Variants in HHIPL1 observed in about 807,000 individuals in gnomAD.
HHIPL1 encodes the protein HHIP like 1, also known as HHIP-like protein 1.
A neutral mutation model predicts 61.8 loss-of-function variants in HHIPL1; 43 were observed. The ratio of observed to expected loss-of-function variants is 0.70; its 90% CI spans 0.55 to 0.90. The LOEUF (loss-of-function observed/expected upper bound fraction) is 0.90. Ranked by LOEUF, HHIPL1 falls within the 40% of genes least tolerant of loss-of-function variation. The probability of loss-of-function intolerance (pLI) is 0.00; values close to 1 mark genes in which losing one functional copy is unlikely to be tolerated. For missense variants in HHIPL1, 1,056 were observed against 1,157.7 expected (o/e 0.91, Z 1.28); for synonymous variants, 482 against 515.8 (o/e 0.93, Z 0.89).
chr14:99,632,233 A>G, the HHIPL1 span, among the ~76,000 whole-genome samples: 1 of 152,162 alleles, frequency 6.6e-6, no homozygotes, highest in African/African-American at 2.4e-5. Flanking sequence ...GAACTCTTGC[A>G]TTGGGGTAGA....
chr14:99,666,875 C>T (rs1448773417), intron 6 of HHIPL1, among the ~76,000 whole-genome samples: 6 of 152,190 alleles, frequency 3.9e-5, no homozygotes, highest in Admixed American at 6.5e-5. Context: ...GCGTACTGCT[C>T]TCCTCATCCC....
Position 99,652,234 on chromosome 14 carries a change from C to A in HHIPL1, c.266C>A (p.Pro89Gln). Residue 89 changes from proline to glutamine, a missense_variant, in exon 2 of 9, where the codon CCG becomes CAG. Pro to Gln is a moderately conservative substitution (Grantham distance 76, BLOSUM62 -1). Transcript: ENST00000330710. ...TTACTGTCTCTGCAGGAATGCTCGC[C>A]GTATGCAGCCCACCTCTATGACGCC... is the stretch of plus-strand genomic sequence containing the variant. ...ARDLLCQECSPYAAHLYDAED... is the reference protein window; with the variant it reads ...ARDLLCQECSQYAAHLYDAED... 6.3e-7 allele frequency: 1 copy of A among 1,599,974 alleles called. No homozygotes were observed. Among genetic ancestry groups the A allele is most frequent in the Non-Finnish European group, 8.5e-7 (1 of 1,171,454 alleles).
upstream of HHIPL1, among the ~76,000 whole-genome samples, chr14:99,644,905 G>C (rs768607057): frequency 5.0e-4 from 76 of 152,330 alleles, no homozygotes; most frequent in Non-Finnish European, 8.4e-4. Flanking sequence ...GCGCCCTGTG[G>C]GGAGGAAGCA....
chr14:99,608,180 C>T, the HHIPL1 span, among the ~76,000 whole-genome samples: 11 of 152,000 alleles, frequency 7.2e-5, no homozygotes, highest in Non-Finnish European at 1.5e-5. Context: ...AAGGGAACAG[C>T]AGGGTGGGGA....
At chr14:99,620,776 G>A in the HHIPL1 span, among the ~76,000 whole-genome samples, 81 of 152,354 alleles carry the variant, frequency 5.3e-4, no homozygotes, top group Admixed American at 1.8e-3. Context: ...CAGAACGTAG[G>A]GGGGCCAGGC....
chr14:99,607,596 G>A, the HHIPL1 span, among the ~76,000 whole-genome samples: 1 of 152,196 alleles, frequency 6.6e-6, no homozygotes, highest in Middle Eastern at 3.4e-3. Flanking sequence ...CAAAACCTAG[G>A]GCCTGTGGGG....
At chr14:99,664,974 G>A (rs1231296214) in intron 6 of HHIPL1, among the ~76,000 whole-genome samples, 2 of 151,282 alleles carry the variant, frequency 1.3e-5, no homozygotes, top group Non-Finnish European at 2.9e-5. Context: ...GAGTGAAGTG[G>A]TGCAATCTCG....
At chr14:99,659,848 C>CA in intron 4 of HHIPL1, 92 bp downstream of exon 4, 3 of 442,854 alleles carry the variant, frequency 6.8e-6, no homozygotes, top group East Asian at 5.9e-5. Context: ...GAGACCGCAC[C>CA]CCCCCCCCCC....
intron 2 of HHIPL1, among the ~76,000 whole-genome samples, chr14:99,653,418 C>T (rs888331052): frequency 2.0e-5 from 3 of 152,196 alleles, no homozygotes; most frequent in Admixed American, 1.3e-4. Flanking sequence ...CTGCAACCTC[C>T]GCCTCCCGGG....
chr14:99,647,804 C>A (rs2055866131), intron 1 of HHIPL1, among the ~76,000 whole-genome samples: 1 of 152,186 alleles, frequency 6.6e-6, no homozygotes, highest in Admixed American at 6.5e-5. Context: ...CAGGCCTTCA[C>A]ACCTGCTTTG....
At chr14:99,605,386 G>GCGGGA in the HHIPL1 span, among the ~76,000 whole-genome samples, 1 of 131,728 alleles carries the variant, frequency 7.6e-6, no homozygotes, top group Non-Finnish European at 1.7e-5. Context: ...GCGGGGCGGG[G>GCGGGA]CGGGGGGGGG....
chr14:99,660,411 G>A lies in HHIPL1; in HGVS notation c.1502+5G>A, dbSNP rs189006923. ...TTTTGGGGATTTCATGAGCGGGTAA[G>A]TGACCTAGTGCCCTCGCGCCCCTGG... On this transcript the variant is annotated splice_donor_5th_base_variant and intron_variant, in intron 5 of 8. Transcript: ENST00000330710. This position sits in a 1 kb window ranked among gnomAD's most constrained non-coding sequence, Gnocchi z 4.9. 868 of 1,611,566 alleles carry A rather than the reference G, an allele frequency of 5.4e-4. 9 individuals carry two copies. The Middle Eastern group carries it at 0.016, about 29-fold the overall frequency.
At chr14:99,640,882 T>TTTC (rs1380528951), upstream of HHIPL1, among the ~76,000 whole-genome samples, 27 of 129,598 alleles carry the variant, frequency 2.1e-4, no homozygotes, top group African/African-American at 8.2e-4. Context: ...TTCTTCTTTT[T>TTTC]TTTTTTTTTT....
At chr14:99,656,836 A>AAAGAAAGG (rs2056044534) in intron 2 of HHIPL1, among the ~76,000 whole-genome samples, 164 bp from the exon 3 acceptor site, 20 of 7,060 alleles carry the variant, frequency 2.8e-3, no homozygotes, top group African/African-American at 4.5e-3. Flanking sequence ...AGAAAGAAAG[A>AAAGAAAGG]AAGGAAGGAA....
chr14:99,646,082 G>C (rs1459646700), intron 1 of HHIPL1, among the ~76,000 whole-genome samples: 1 of 152,256 alleles, frequency 6.6e-6, no homozygotes, highest in Non-Finnish European at 1.5e-5. Context: ...AAGACTGAGC[G>C]ACAGCTCTTT....
At chr14:99,646,813 ATATGATATGATATG>A (rs1566804773) in intron 1 of HHIPL1, among the ~76,000 whole-genome samples, 160 of 81,816 alleles carry the variant, frequency 2.0e-3, no homozygotes, top group African/African-American at 5.4e-3. Flanking sequence ...ATATGATATG[ATATGATATGATATG>A]ATATGATATA....
At chr14:99,648,158 GAC>G (rs2055870987) in intron 1 of HHIPL1, among the ~76,000 whole-genome samples, 1 of 152,160 alleles carries the variant, frequency 6.6e-6, no homozygotes, top group Non-Finnish European at 1.5e-5. Flanking sequence ...TCAGGAGACT[GAC>G]ACACACAGGA....
chr14:99,649,147 A>G (rs1350400832), intron 1 of HHIPL1, among the ~76,000 whole-genome samples: 3 of 152,198 alleles, frequency 2.0e-5, no homozygotes, highest in Admixed American at 6.5e-5. Context: ...TGTGTAAGTA[A>G]GAGTACATAG....
At chr14:99,669,821 A>T (rs569988960) in intron 7 of HHIPL1, among the ~76,000 whole-genome samples, 1 of 152,318 alleles carries the variant, frequency 6.6e-6, no homozygotes, top group South Asian at 2.1e-4. Flanking sequence ...GCTACTTGGG[A>T]TGCTAAGGTG....
Sources: allele counts gnomAD v4.1 joint callset (sites outside exome capture counted in the v4.1 genomes callset), GRCh38; gene constraint gnomAD v4.1.1; non-coding constraint Gnocchi (gnomAD v3.1); transcripts MANE v1.5; gene names NCBI Gene and HGNC (gene_info 2026-07-23, HGNC 2026-07-21).